PDE4D: variants seen among roughly 807,000 people sequenced by gnomAD.
PDE4D encodes 3',5'-cyclic-AMP phosphodiesterase 4D.
Under a neutral mutation model 87.4 loss-of-function variants are expected in PDE4D, and 24 were observed. The ratio of observed to expected loss-of-function variants is 0.27; its 90% CI spans 0.20 to 0.39. PDE4D has a LOEUF of 0.39. Ranked by LOEUF, PDE4D falls within the 10% of genes least tolerant of loss-of-function variation. The pLI is 1.00. For synonymous variants in PDE4D, 384 were observed against 383.2 expected (o/e 1.00, Z -0.02); for missense variants, 714 against 1,041.0 (o/e 0.69, Z 4.32).
intron 1 of PDE4D, among the ~76,000 whole-genome samples, chr5:60,435,210 G>C (rs1401266706): frequency 1.3e-5 from 2 of 152,158 alleles, no homozygotes; most frequent in East Asian, 3.9e-4. Context: ...CTAGAACAAT[G>C]TGTTATGCAT....
At chr5:59,727,773 G>A (rs1397989914) in intron 1 of PDE4D, among the ~76,000 whole-genome samples, 5 of 152,012 alleles carry the variant, frequency 3.3e-5, no homozygotes, top group Non-Finnish European at 7.4e-5. Flanking sequence ...CATTGATAGA[G>A]TTGCTCAAAA....
intron 1 of PDE4D, among the ~76,000 whole-genome samples, chr5:59,788,345 G>A (rs1301407701): frequency 6.6e-6 from 1 of 152,176 alleles, no homozygotes; most frequent in Non-Finnish European, 1.5e-5. Context: ...ATAGAGCTGA[G>A]CCCAATAACA....
intron 1 of PDE4D, among the ~76,000 whole-genome samples, chr5:59,887,794 T>C (rs1750386372): frequency 6.6e-6 from 1 of 152,144 alleles, no homozygotes; most frequent in Non-Finnish European, 1.5e-5. Flanking sequence ...GAATGTTTGT[T>C]TTCTGAAGTC....
At chr5:59,908,190 C>A (rs1192957557) in intron 3 of PDE4D, among the ~76,000 whole-genome samples, 1 of 152,004 alleles carries the variant, frequency 6.6e-6, no homozygotes, top group Admixed American at 6.6e-5. Flanking sequence ...TTTCCAGTTC[C>A]TAATTTGAGG....
intron 1 of PDE4D, among the ~76,000 whole-genome samples, chr5:60,331,257 C>T (rs1583443496): frequency 6.6e-6 from 1 of 152,190 alleles, no homozygotes; most frequent in South Asian, 2.1e-4. Context: ...TGTTACTTAA[C>T]TCCCCTGAGC....
At chr5:59,097,002 T>C (rs56658018) in intron 5 of PDE4D, among the ~76,000 whole-genome samples, 8,745 of 152,230 alleles carry the variant, frequency 0.057, 782 homozygotes, top group African/African-American at 0.19. Context: ...CTAGGGAGTA[T>C]TCTCAAAGGA....
At chr5:60,462,445 G>A (rs1214005901) in intron 1 of PDE4D, among the ~76,000 whole-genome samples, 1 of 152,146 alleles carries the variant, frequency 6.6e-6, no homozygotes, top group Non-Finnish European at 1.5e-5. Context: ...TTGTGGAATA[G>A]GGGGGTCTTG....
chr5:59,763,874 T>A (rs1375399317), intron 1 of PDE4D, among the ~76,000 whole-genome samples: 2 of 152,172 alleles, frequency 1.3e-5, no homozygotes, highest in Non-Finnish European at 2.9e-5. Flanking sequence ...GCTCAACACA[T>A]ACTAGCTAGT....
chr5:59,421,689 T>C (rs542387031), intron 1 of PDE4D, among the ~76,000 whole-genome samples: 20 of 152,178 alleles, frequency 1.3e-4, no homozygotes, highest in African/African-American at 4.8e-4. Context: ...TCCAAGCAGT[T>C]AGTAGGAGTC....
chr5:59,555,990 G>C (rs755707992), intron 1 of PDE4D, among the ~76,000 whole-genome samples: 1 of 152,142 alleles, frequency 6.6e-6, no homozygotes, highest in Non-Finnish European at 1.5e-5. Flanking sequence ...CCTATTTCAC[G>C]TGAATATCTA....
chr5:59,635,210 G>A (rs773702742), intron 1 of PDE4D, among the ~76,000 whole-genome samples: 2 of 152,100 alleles, frequency 1.3e-5, no homozygotes, highest in African/African-American at 4.8e-5. Context: ...TCCCTGAATA[G>A]ACCAATAACA....
chr5:59,288,579 T>A (rs1267044207), intron 1 of PDE4D, among the ~76,000 whole-genome samples: 1 of 151,674 alleles, frequency 6.6e-6, no homozygotes, highest in African/African-American at 2.4e-5. Context: ...TAGAGAAATA[T>A]AACAATATTC....
intron 1 of PDE4D, among the ~76,000 whole-genome samples, chr5:60,345,620 A>G (rs937088084): frequency 4.6e-5 from 7 of 151,942 alleles, no homozygotes; most frequent in Non-Finnish European, 1.0e-4. Flanking sequence ...CATCATTTAA[A>G]TAATCTTACT....
At chr5:59,170,153 G>A (rs1782533060) in intron 5 of PDE4D, among the ~76,000 whole-genome samples, 1 of 152,074 alleles carries the variant, frequency 6.6e-6, no homozygotes, top group African/African-American at 2.4e-5. Flanking sequence ...GAATAGCTGG[G>A]ATTACAGGTG....
intron 1 of PDE4D, among the ~76,000 whole-genome samples, chr5:60,221,147 C>T (rs1460121184): frequency 6.6e-6 from 1 of 151,924 alleles, no homozygotes; most frequent in East Asian, 1.9e-4. Context: ...ACTGTTTATA[C>T]TGTAAGGCCA....
Position 59,318,003 on chromosome 5 carries a change from C to T in PDE4D, c.456-102035G>A, listed in dbSNP as rs185821044. On this transcript the variant is annotated intron_variant, in intron 1 of 14. Transcript: ENST00000340635. The stretch of plus-strand genomic sequence containing the variant: ...AAGACCTTATGAACTTTTGTTTGTC[C>T]GTGATCTTACTTCCTCCTTTTAAGA... 6.4e-4 allele frequency among the ~76,000 whole-genome samples: 98 copies of T among 152,204 alleles called. 1 individual carries two copies. Among genetic ancestry groups the T allele is most frequent in the Admixed American group, 4.8e-3 (74 of 15,284 alleles).
intron 1 of PDE4D, among the ~76,000 whole-genome samples, chr5:60,453,164 T>G (rs913131916): frequency 2.0e-5 from 3 of 152,152 alleles, no homozygotes; most frequent in Non-Finnish European, 4.4e-5. Flanking sequence ...GATACATCTA[T>G]TTAAAAGCAC....
intron 2 of PDE4D, among the ~76,000 whole-genome samples, chr5:60,134,206 C>T (rs1465654212): frequency 1.3e-5 from 2 of 152,062 alleles, no homozygotes; most frequent in Non-Finnish European, 2.9e-5. Flanking sequence ...TGCTTATAAA[C>T]ATTATACAGG....
At chr5:59,947,308 G>T (rs1052699402) in intron 3 of PDE4D, among the ~76,000 whole-genome samples, 1 of 152,172 alleles carries the variant, frequency 6.6e-6, no homozygotes, top group Non-Finnish European at 1.5e-5. Context: ...AGGCTCAGCA[G>T]GTTCTTTCCT....
Sources: allele counts gnomAD v4.1 joint callset (sites outside exome capture counted in the v4.1 genomes callset), GRCh38; gene constraint gnomAD v4.1.1; transcripts MANE v1.5; gene names NCBI Gene and HGNC (gene_info 2026-07-23, HGNC 2026-07-21).